The following IMMP2L variants were observed in gnomAD, a reference collection of about 807,000 sequenced individuals.
IMMP2L encodes mitochondrial inner membrane protease subunit 2.
Under a neutral mutation model 19.3 loss-of-function variants are expected in IMMP2L, and 18 were observed. The observed-to-expected ratio is 0.93, with a 90% CI of 0.64 to 1.38. The LOEUF (loss-of-function observed/expected upper bound fraction) is 1.38. Among genes scored for constraint, IMMP2L ranks in the 40% most tolerant of loss-of-function variants. IMMP2L has a pLI of 0.00. For synonymous variants in IMMP2L, 76 were observed against 73.0 expected (o/e 1.04, Z -0.21); for missense variants, 233 against 218.2 (o/e 1.07, Z -0.43).
chr7:110,974,339 T>A (rs1820471566), intron 3 of IMMP2L, among the ~76,000 whole-genome samples: 1 of 152,066 alleles, frequency 6.6e-6, no homozygotes, highest in African/African-American at 2.4e-5. Context: ...TGGGATCTAA[T>A]CCACATTAGA....
chr7:111,287,279 C>T (rs1468064539), intron 3 of IMMP2L, among the ~76,000 whole-genome samples: 4 of 152,064 alleles, frequency 2.6e-5, no homozygotes, highest in East Asian at 1.9e-4. Flanking sequence ...CAAGCCATTA[C>T]GATACAAAAT....
intron 5 of IMMP2L, among the ~76,000 whole-genome samples, chr7:110,797,901 G>A (rs573163618): frequency 6.6e-6 from 1 of 151,946 alleles, no homozygotes; most frequent in East Asian, 1.9e-4. Context: ...CAGTTGTTTT[G>A]AAATGGATCT....
intron 5 of IMMP2L, among the ~76,000 whole-genome samples, chr7:110,834,557 T>C (rs1584972238): frequency 6.6e-6 from 1 of 152,122 alleles, no homozygotes; most frequent in South Asian, 2.1e-4. Context: ...TCCAAGTATA[T>C]AAGTATAAAC....
intron 4 of IMMP2L, 57 bp downstream of exon 4, chr7:110,963,443 G>T: frequency 8.2e-7 from 1 of 1,219,922 alleles, no homozygotes; most frequent in South Asian, 1.3e-5. Context: ...AAGTAATGTA[G>T]GTAACAGAAC....
intron 5 of IMMP2L, among the ~76,000 whole-genome samples, chr7:110,780,589 G>A (rs1799671312): frequency 6.6e-6 from 1 of 151,188 alleles, no homozygotes; most frequent in Non-Finnish European, 1.5e-5. Flanking sequence ...TCTCTGCCTC[G>A]CTATTACCCC....
At chr7:111,012,265 C>A (rs906696055) in intron 3 of IMMP2L, among the ~76,000 whole-genome samples, 6 of 152,220 alleles carry the variant, frequency 3.9e-5, no homozygotes, top group Admixed American at 3.3e-4. Context: ...GCAATTATTT[C>A]CATTATCATT....
At chr7:110,903,425 A>G (rs981479842) in intron 4 of IMMP2L, among the ~76,000 whole-genome samples, 1 of 152,128 alleles carries the variant, frequency 6.6e-6, no homozygotes, top group South Asian at 2.1e-4. Flanking sequence ...TCCCCTCTGT[A>G]AACTCCTGGC....
rs73716436 is a variant in IMMP2L at position 110,802,048 on chromosome 7, C to T, written c.408+84545G>A. Among the ~76,000 whole-genome samples, 929 of 152,072 alleles carry T rather than the reference C, an allele frequency of 6.1e-3. 6 individuals are homozygous for T. Among genetic ancestry groups the T allele is most frequent in the African/African-American group, 0.021 (878 of 41,478 alleles). ...GGAGCCCGGGGCATACACCTGTACC[C>T]TTTACAACATATATTCTTTGCTGTG... On this transcript the variant is annotated intron_variant, in intron 5 of 5. Transcript: ENST00000405709.
At chr7:111,169,884 T>G (rs1806236833) in intron 3 of IMMP2L, among the ~76,000 whole-genome samples, 1 of 151,928 alleles carries the variant, frequency 6.6e-6, no homozygotes, top group African/African-American at 2.4e-5. Context: ...ATCCAGTGGT[T>G]CTCTTCTTTT....
chr7:110,862,477 T>C (rs890984338), intron 5 of IMMP2L, among the ~76,000 whole-genome samples: 1 of 151,702 alleles, frequency 6.6e-6, no homozygotes, highest in Non-Finnish European at 1.5e-5. Flanking sequence ...CAGCTGTGTC[T>C]ATAGATATGT....
intron 3 of IMMP2L, among the ~76,000 whole-genome samples, chr7:110,995,594 T>A (rs1822943493): frequency 1.3e-5 from 2 of 152,284 alleles, no homozygotes; most frequent in African/African-American, 4.8e-5. Flanking sequence ...TTAAAATGTT[T>A]GGTACACAGA....
At chr7:110,726,504 A>G (rs1795893356) in intron 5 of IMMP2L, among the ~76,000 whole-genome samples, 1 of 152,218 alleles carries the variant, frequency 6.6e-6, no homozygotes, top group Non-Finnish European at 1.5e-5. Context: ...TTTCCAAAGG[A>G]GGATTCTGAG....
intron 3 of IMMP2L, among the ~76,000 whole-genome samples, chr7:111,404,633 G>GA (rs1479497169): frequency 6.6e-6 from 1 of 151,944 alleles, no homozygotes; most frequent in Non-Finnish European, 1.5e-5. Flanking sequence ...TTATCCATTT[G>GA]AAAAAATTTA....
chr7:111,043,185 A>T (rs1792064675), intron 3 of IMMP2L, among the ~76,000 whole-genome samples: 1 of 152,194 alleles, frequency 6.6e-6, no homozygotes, highest in Non-Finnish European at 1.5e-5. Flanking sequence ...ATCCTCCTTT[A>T]ATTTTTAAAA....
At chr7:111,483,747 T>C (rs888517663) in intron 3 of IMMP2L, 8 of 152,142 alleles carry the variant, frequency 5.3e-5, no homozygotes, top group African/African-American at 1.9e-4. Flanking sequence ...TGAATTAACA[T>C]AGACAATTGG....
At chr7:111,446,358 C>G in intron 3 of IMMP2L, among the ~76,000 whole-genome samples, 1 of 142,332 alleles carries the variant, frequency 7.0e-6, no homozygotes, top group Non-Finnish European at 1.5e-5. Flanking sequence ...AGCTGGAGAT[C>G]TGAGAACAGG....
intron 3 of IMMP2L, among the ~76,000 whole-genome samples, chr7:111,268,738 C>T (rs1390275611): frequency 4.6e-5 from 7 of 151,112 alleles, no homozygotes; most frequent in Non-Finnish European, 1.0e-4. Flanking sequence ...GGACCACAGG[C>T]GAGCACCACC....
chr7:110,838,449 T>C lies in IMMP2L; in HGVS notation c.408+48144A>G, dbSNP rs1427249812. On this transcript the variant is annotated intron_variant, in intron 5 of 5. Transcript: ENST00000405709. ...CATGTGTTAGAAACTTAATCCAGTA[T>C]GGCAGTACTGAAAGATGGGGGCCTT... is the stretch of plus-strand genomic sequence containing the variant. Among the ~76,000 whole-genome samples the C allele has an allele frequency of 2.6e-5, 4 of 152,110 alleles. No homozygotes were observed. In the South Asian group the frequency reaches 8.3e-4, roughly 31 times the overall value.
At chr7:111,481,979 C>G (rs542481257) in intron 3 of IMMP2L, among the ~76,000 whole-genome samples, 1 of 152,278 alleles carries the variant, frequency 6.6e-6, no homozygotes, top group South Asian at 2.1e-4. Context: ...ATCACTTAGG[C>G]CCAGGAGTTC....
Sources: gnomAD v4.1 joint callset for allele counts (sites outside exome capture counted in the v4.1 genomes callset) on GRCh38, gnomAD v4.1.1 for gene constraint, MANE v1.5 for transcripts, NCBI Gene and HGNC (gene_info 2026-07-23, HGNC 2026-07-21) for gene names.